The following CDC14B variants were observed in gnomAD, a reference collection of about 807,000 sequenced individuals.
CDC14B encodes dual specificity protein phosphatase CDC14B.
A neutral mutation model predicts 64.2 loss-of-function variants in CDC14B; 22 were observed. The ratio of observed to expected loss-of-function variants is 0.34; its 90% CI spans 0.24 to 0.49. CDC14B has a LOEUF of 0.49. CDC14B is among the 20% of genes least tolerant of loss of function. The pLI, the probability that CDC14B is intolerant of heterozygous loss-of-function variation, is 0.99. For missense variants in CDC14B, 498 were observed against 629.9 expected, an observed-to-expected ratio of 0.79 and a Z score of 2.24; for synonymous variants, 191 against 215.8, an observed-to-expected ratio of 0.89 and a Z score of 1.01.
chr9:96,565,992 A>G (rs1843855187), intron 1 of CDC14B, among the ~76,000 whole-genome samples: 1 of 152,238 alleles, frequency 6.6e-6, no homozygotes, highest in Non-Finnish European at 1.5e-5. Flanking sequence ...AACTGTTCTT[A>G]GGGATCACTA....
At chr9:96,590,189 T>C (rs1588041003) in intron 1 of CDC14B, among the ~76,000 whole-genome samples, 1 of 152,268 alleles carries the variant, frequency 6.6e-6, no homozygotes, top group African/African-American at 2.4e-5. Context: ...CTACTTTCTG[T>C]CTCTAGGAGT....
intron 1 of CDC14B, among the ~76,000 whole-genome samples, chr9:96,600,289 G>A (rs1846349683): frequency 6.6e-6 from 1 of 151,284 alleles, no homozygotes; most frequent in Non-Finnish European, 1.5e-5. Flanking sequence ...AAAAAATTCT[G>A]GAGGGAAATG....
intron 13 of CDC14B, among the ~76,000 whole-genome samples, chr9:96,494,632 G>C (rs145718857): frequency 6.5e-4 from 99 of 152,282 alleles, no homozygotes; most frequent in African/African-American, 2.2e-3. Context: ...ACCCCCCACA[G>C]CTACGCCTTG....
At chr9:96,567,575 G>A (rs1414996679) in intron 1 of CDC14B, among the ~76,000 whole-genome samples, 1 of 152,230 alleles carries the variant, frequency 6.6e-6, no homozygotes, top group East Asian at 1.9e-4. Context: ...TCCTTTAAAG[G>A]GACGGTTTGG....
chr9:96,514,466 T>G (rs1041131413), intron 12 of CDC14B: 3 of 985,292 alleles, frequency 3.0e-6, no homozygotes, highest in Non-Finnish European at 2.4e-6. Context: ...TTGTAAGATA[T>G]TCAAGAAAAT....
intron 1 of CDC14B, among the ~76,000 whole-genome samples, chr9:96,568,793 T>TA (rs1228091571): frequency 9.2e-5 from 14 of 152,050 alleles, no homozygotes; most frequent in Non-Finnish European, 1.9e-4. Context: ...GGTGCATGCC[T>TA]GTAATCCCAG....
intron 7 of CDC14B, 112 bp from the exon 8 acceptor site, chr9:96,534,654 C>A: frequency 1.4e-6 from 1 of 693,674 alleles, no homozygotes; most frequent in Non-Finnish European, 2.5e-6. Context: ...AGCGGAAAAG[C>A]TGTTTACAAA....
chr9:96,521,931 C>T (rs1836790638), intron 12 of CDC14B, among the ~76,000 whole-genome samples: 1 of 152,178 alleles, frequency 6.6e-6, no homozygotes. Flanking sequence ...GGTTGAATCC[C>T]AACTAACACA....
At chr9:96,563,035 G>A (rs1212562954) in intron 3 of CDC14B, among the ~76,000 whole-genome samples, 1 of 152,226 alleles carries the variant, frequency 6.6e-6, no homozygotes, top group African/African-American at 2.4e-5. Context: ...TAAAGCATGG[G>A]CTGCTTCTGA....
chr9:96,576,087 C>T (rs369379121), intron 1 of CDC14B, among the ~76,000 whole-genome samples: 1 of 151,566 alleles, frequency 6.6e-6, no homozygotes, highest in Non-Finnish European at 1.5e-5. Context: ...ACCAGCCTGG[C>T]CAACATGGTG....
At chr9:96,591,980 C>T (rs902678439) in intron 1 of CDC14B, among the ~76,000 whole-genome samples, 1 of 152,174 alleles carries the variant, frequency 6.6e-6, no homozygotes, top group Non-Finnish European at 1.5e-5. Context: ...CTCCTGACCT[C>T]GTGATCTGCC....
intron 12 of CDC14B, among the ~76,000 whole-genome samples, chr9:96,510,868 A>G (rs1032708795): frequency 6.6e-6 from 1 of 152,178 alleles, no homozygotes; most frequent in Admixed American, 6.5e-5. Flanking sequence ...ACTTACTCCC[A>G]AAGTGCTGGG....
downstream of CDC14B, chr9:96,496,404 C>T (rs1833241356): frequency 2.1e-6 from 1 of 480,818 alleles, no homozygotes; most frequent in Non-Finnish European, 4.1e-6. Flanking sequence ...ACCACCACCA[C>T]CACCACCACA....
At chr9:96,513,514 C>T (rs575835434) in intron 12 of CDC14B, among the ~76,000 whole-genome samples, 2 of 152,360 alleles carry the variant, frequency 1.3e-5, no homozygotes, top group African/African-American at 4.8e-5. Context: ...CTCCATCCTA[C>T]CTACCTCTTG....
intron 1 of CDC14B, among the ~76,000 whole-genome samples, chr9:96,580,513 G>A (rs372363071): frequency 5.3e-5 from 8 of 152,162 alleles, no homozygotes; most frequent in East Asian, 1.9e-4. Context: ...TTACAGGCGC[G>A]AGCCACTGCG....
At chr9:96,574,146 C>CAAA (rs761032445) in intron 1 of CDC14B, among the ~76,000 whole-genome samples, 1 of 118,088 alleles carries the variant, frequency 8.5e-6, no homozygotes. Context: ...GACTCCATCT[C>CAAA]AAAAAAAAAA....
At chr9:96,510,461 C>T (rs1006375302) in intron 12 of CDC14B, among the ~76,000 whole-genome samples, 1 of 151,210 alleles carries the variant, frequency 6.6e-6, no homozygotes, top group African/African-American at 2.4e-5. Flanking sequence ...AGGAAGCACA[C>T]GATGAATCAG....
intron 1 of CDC14B, among the ~76,000 whole-genome samples, chr9:96,582,293 T>C (rs1344323780): frequency 1.3e-5 from 2 of 152,240 alleles, no homozygotes; most frequent in African/African-American, 4.8e-5. Flanking sequence ...AAAAAATCAA[T>C]ATACTTTATG....
Position 96,534,161 on chromosome 9 carries a change from C to A in CDC14B, c.716-4G>T, listed in dbSNP as rs535764012. On this transcript the variant is annotated splice_polypyrimidine_tract_variant and splice_region_variant and intron_variant, in intron 8 of 13. Coordinates refer to ENST00000375241, the MANE Select transcript of CDC14B (RefSeq NM_033331.4). ...TCAGGAGAATGTTGGTGGTAACCTA[C>A]ATAAAGAAATGCACCAGATCTTATA... The A allele has an allele frequency of 3.2e-6, 5 of 1,548,274 alleles. No individual in the cohort carries two copies. Among genetic ancestry groups the A allele is most frequent in the Non-Finnish European group, 4.4e-6 (5 of 1,127,676 alleles).
Sources: allele counts gnomAD v4.1 joint callset (sites outside exome capture counted in the v4.1 genomes callset), GRCh38; gene constraint gnomAD v4.1.1; transcripts MANE v1.5; gene names NCBI Gene and HGNC (gene_info 2026-07-23, HGNC 2026-07-21).